Variants in PTPN21 observed in about 807,000 individuals in gnomAD.
The protein encoded by PTPN21 is protein tyrosine phosphatase non-receptor type 21.
Under a neutral mutation model 131.8 loss-of-function variants are expected in PTPN21, and 77 were observed. That is an observed-to-expected ratio of 0.58 (90% CI 0.49 to 0.71). The LOEUF (loss-of-function observed/expected upper bound fraction) is 0.71. PTPN21 is among the 30% of genes least tolerant of loss of function. The pLI, the probability that PTPN21 is intolerant of heterozygous loss-of-function variation, is 0.00. For synonymous variants in PTPN21, 715 were observed against 621.3 expected, an observed-to-expected ratio of 1.15 and a Z score of -2.24; for missense variants, 1,552 against 1,527.1, an observed-to-expected ratio of 1.02 and a Z score of -0.27.
intron 2 of PTPN21, among the ~76,000 whole-genome samples, chr14:88,533,575 T>TC (rs2078583712): frequency 6.6e-6 from 1 of 152,206 alleles, no homozygotes; most frequent in Non-Finnish European, 1.5e-5. Flanking sequence ...TAGAGTGTAC[T>TC]CCTATTTATA....
At chr14:88,534,213 A>C (rs2078595533) in intron 2 of PTPN21, among the ~76,000 whole-genome samples, 1 of 151,588 alleles carries the variant, frequency 6.6e-6, no homozygotes, top group African/African-American at 2.4e-5. Flanking sequence ...ACCTCTGCTA[A>C]AAATTAAAAA....
At chr14:88,481,620 A>C (rs550562212) in intron 12 of PTPN21, among the ~76,000 whole-genome samples, 1 of 152,344 alleles carries the variant, frequency 6.6e-6, no homozygotes, top group East Asian at 1.9e-4. Context: ...CCATAATTCA[A>C]GGAAGGGAGA....
At chr14:88,500,750 T>A in intron 8 of PTPN21, 33 bp downstream of exon 8, 22 of 1,436,510 alleles carry the variant, frequency 1.5e-5, no homozygotes, top group East Asian at 2.3e-5. Context: ...ACAGGAGCCA[T>A]AGAAAACATA....
chr14:88,516,256 G>A (rs1464763101), intron 3 of PTPN21, among the ~76,000 whole-genome samples: 1 of 152,046 alleles, frequency 6.6e-6, no homozygotes, highest in African/African-American at 2.4e-5. Context: ...CATGGAGGAG[G>A]TACCTTCTGA....
intron 2 of PTPN21, among the ~76,000 whole-genome samples, chr14:88,541,162 G>C (rs990931978): frequency 1.3e-5 from 2 of 152,176 alleles, no homozygotes; most frequent in Non-Finnish European, 2.9e-5. Flanking sequence ...ACAAACCCTT[G>C]ATAGGAAGTT....
intron 2 of PTPN21, among the ~76,000 whole-genome samples, chr14:88,528,606 G>A (rs1224158799): frequency 3.3e-5 from 5 of 152,192 alleles, no homozygotes; most frequent in Non-Finnish European, 5.9e-5. Context: ...GAATCATGGG[G>A]GCAGCTCTTT....
intron 2 of PTPN21, among the ~76,000 whole-genome samples, chr14:88,535,978 T>C (rs72695849): frequency 0.011 from 1,750 of 152,344 alleles, 14 homozygotes; most frequent in Admixed American, 0.025. Flanking sequence ...TCATGTCTCC[T>C]GCCACACTTT....
rs1356581023 is a variant in PTPN21, at chr14:88,500,869, AT to A, written c.677del (p.Asp226ValfsTer18). 1 of 1,609,056 alleles carries A rather than the reference AT, an allele frequency of 6.2e-7. No individual in the cohort carries two copies. Among genetic ancestry groups the A allele is most frequent in the East Asian group, 2.2e-5 (1 of 44,852 alleles). ...CAATGGATATGTCACTTCCTTGGCT[AT>A]CCTACAAGGAGAAAGCAGAAGAAGA... ...GYGEESYPAK[D>X]SQGSDISIGA... is the part of the protein sequence containing the mutation. On this transcript the variant is annotated frameshift_variant and splice_region_variant, in exon 8 of 19. Transcript: ENST00000556564. LOFTEE classifies it high-confidence loss of function.
chr14:88,494,566 G>A (rs1452681601), intron 10 of PTPN21, among the ~76,000 whole-genome samples: 1 of 152,128 alleles, frequency 6.6e-6, no homozygotes, highest in Non-Finnish European at 1.5e-5. Flanking sequence ...GGAGGCTGAG[G>A]TGGGAGGATC....
intron 18 of PTPN21, among the ~76,000 whole-genome samples, chr14:88,468,713 G>C: frequency 6.6e-6 from 1 of 152,202 alleles, no homozygotes; most frequent in South Asian, 2.1e-4. Flanking sequence ...TTTATTTATC[G>C]TATGACTTCT....
At chr14:88,499,221 G>A (rs2077971211) in intron 8 of PTPN21, 1 of 152,232 alleles carries the variant, frequency 6.6e-6, no homozygotes, top group Admixed American at 6.5e-5. Flanking sequence ...CCAGGGCAGT[G>A]CATTCTAGGA....
intron 3 of PTPN21, among the ~76,000 whole-genome samples, chr14:88,514,568 A>G (rs1341884782): frequency 6.6e-6 from 1 of 151,566 alleles, no homozygotes; most frequent in African/African-American, 2.4e-5. Flanking sequence ...GAGTTCAAGC[A>G]ATTGTCCTGC....
At chr14:88,475,345 C>T (rs1043681014) in intron 13 of PTPN21, among the ~76,000 whole-genome samples, 4 of 152,090 alleles carry the variant, frequency 2.6e-5, no homozygotes, top group Non-Finnish European at 5.9e-5. Context: ...GTGATTGGTA[C>T]CTAACTCAAT....
chr14:88,526,609 T>TA (rs776440684), intron 2 of PTPN21, among the ~76,000 whole-genome samples: 97 of 139,072 alleles, frequency 7.0e-4, no homozygotes, highest in Non-Finnish European at 1.3e-3. Context: ...TTCATCTCAG[T>TA]AAAAAAATGT....
intron 2 of PTPN21, among the ~76,000 whole-genome samples, chr14:88,529,818 C>T (rs1203108259): frequency 6.6e-6 from 1 of 151,876 alleles, no homozygotes; most frequent in Non-Finnish European, 1.5e-5. Flanking sequence ...CCCATCTCTA[C>T]CAAAAATATA....
chr14:88,512,936 G>A (rs1392196525), intron 3 of PTPN21, among the ~76,000 whole-genome samples: 7 of 152,118 alleles, frequency 4.6e-5, no homozygotes, highest in Non-Finnish European at 8.8e-5. Context: ...ACTGAGTTCA[G>A]ATGATGCCAG....
chr14:88,532,482 C>A (rs2078568471), intron 2 of PTPN21, among the ~76,000 whole-genome samples: 1 of 152,078 alleles, frequency 6.6e-6, no homozygotes, highest in African/African-American at 2.4e-5. Context: ...TAACTGGCAA[C>A]CTCACGTGAA....
At chr14:88,547,762 C>T in intron 2 of PTPN21, 1 of 434,560 alleles carries the variant, frequency 2.3e-6, no homozygotes, top group Non-Finnish European at 4.6e-6. Context: ...AACACTTTCC[C>T]CTCCTCTAAT....
chr14:88,479,116 A>ATCATCCTCT lies in PTPN21; in HGVS notation c.2306_2314dup (p.Lys769_Met771dup), dbSNP rs745913153. 7.0e-6 allele frequency: 11 copies of ATCATCCTCT among 1,564,062 alleles called. No homozygotes were observed. The highest frequency in any genetic ancestry group is 9.5e-6 in the Non-Finnish European group (11 of 1,156,918). Reference sequence around the variant, plus strand: ...GGTCGTGCGGACGGGGCTGCTGTCCATCATCCTCTTCTCCGCGTCTGGGAC... The same window carrying ATCATCCTCT: ...GGTCGTGCGGACGGGGCTGCTGTCCATCATCCTCTTCATCCTCTTCTCCGCGTCTGGGAC... On this transcript the variant is annotated inframe_insertion, in exon 13 of 19. Coordinates refer to ENST00000556564, the MANE Select transcript of PTPN21 (RefSeq NM_007039.4).
Sources: allele counts gnomAD v4.1 joint callset (sites outside exome capture counted in the v4.1 genomes callset), GRCh38; gene constraint gnomAD v4.1.1; transcripts MANE v1.5; gene names NCBI Gene and HGNC (gene_info 2026-07-23, HGNC 2026-07-21).